RGS7: variants seen among roughly 807,000 people sequenced by gnomAD.
RGS7 encodes the protein regulator of G-protein signaling 7.
Under a neutral mutation model 81.1 loss-of-function variants are expected in RGS7, and 27 were observed. The ratio of observed to expected loss-of-function variants is 0.33; its 90% CI spans 0.25 to 0.46. The LOEUF is 0.46. Ranked by LOEUF, RGS7 falls within the 20% of genes least tolerant of loss-of-function variation. The probability of loss-of-function intolerance (pLI) is 1.00; values close to 1 mark genes in which losing one functional copy is unlikely to be tolerated. For missense variants in RGS7, 396 were observed against 607.4 expected, an observed-to-expected ratio of 0.65 and a Z score of 3.66; for synonymous variants, 208 against 207.7, an observed-to-expected ratio of 1.00 and a Z score of -0.01.
At position 240,983,063 on chromosome 1, in the gene RGS7, A is replaced by G; in HGVS notation, c.226+16T>C. The G allele has an allele frequency of 1.4e-6, 2 of 1,462,618 alleles. No homozygotes were observed. Among genetic ancestry groups the G allele is most frequent in the Non-Finnish European group, 1.9e-6 (2 of 1,045,260 alleles). 90.6% of individuals were successfully genotyped at this position (1,462,618 alleles called of 1,614,324 possible). On this transcript the variant is annotated intron_variant, in intron 4 of 18. Transcript: ENST00000440928. ...CTAAGAAAAAAGTTCTTGCAATGGG[A>G]AAATGATTTATTTACCTGGATCTTC... is the stretch of plus-strand genomic sequence containing the variant.
In RGS7 at chr1:240,868,114, A is replaced by AAG. The variant is rs200413431; in HGVS notation, c.609+472_609+473insCT. Among the ~76,000 whole-genome samples the AAG allele has an allele frequency of 1.0e-5, 1 of 98,216 alleles. No individual in the cohort carries two copies. Among genetic ancestry groups the AAG allele is most frequent in the African/African-American group, 3.9e-5 (1 of 25,746 alleles). 64.4% of individuals were successfully genotyped at this position (98,216 alleles called of 152,430 possible). On this transcript the variant is annotated intron_variant, in intron 9 of 18. Coordinates refer to ENST00000440928, the MANE Select transcript of RGS7 (RefSeq NM_001364886.1). This position sits in a 1 kb window ranked among gnomAD's most constrained non-coding sequence, Gnocchi z 5.1. The stretch of plus-strand genomic sequence containing the variant: ...AAAGAAAAGAAAAAGAAAGAAAAGA[A>AAG]AAGGAAAGAAAGAAAGAAAGAAAGA...
At chr1:240,873,043 C>T (rs190106995) in intron 6 of RGS7, among the ~76,000 whole-genome samples, 2 of 152,166 alleles carry the variant, frequency 1.3e-5, no homozygotes, top group Non-Finnish European at 1.5e-5. Flanking sequence ...CATGCCACTG[C>T]ACTCCAGCCT....
chr1:240,880,595 C>T (rs949671052), intron 6 of RGS7, among the ~76,000 whole-genome samples: 8 of 152,160 alleles, frequency 5.3e-5, no homozygotes, highest in African/African-American at 1.9e-4. Flanking sequence ...AGGTCACGGA[C>T]AAAGCTTTCT....
intron 3 of RGS7, among the ~76,000 whole-genome samples, chr1:241,037,814 C>A (rs1360713596): frequency 6.6e-6 from 1 of 151,698 alleles, no homozygotes; most frequent in Non-Finnish European, 1.5e-5. Flanking sequence ...ATGACTTTTG[C>A]AGCAAATTGG....
At chr1:241,100,096 C>T (rs1168148896) in intron 2 of RGS7, among the ~76,000 whole-genome samples, 1 of 152,154 alleles carries the variant, frequency 6.6e-6, no homozygotes, top group Non-Finnish European at 1.5e-5. Context: ...TTTCCATTGG[C>T]CGGGCGCGGT....
At chr1:241,043,969 G>A (rs2060771271) in intron 3 of RGS7, among the ~76,000 whole-genome samples, 1 of 152,124 alleles carries the variant, frequency 6.6e-6, no homozygotes, top group South Asian at 2.1e-4. Flanking sequence ...TATGCTTGTA[G>A]AAATATTTCT....
intron 6 of RGS7, among the ~76,000 whole-genome samples, chr1:240,890,313 C>A (rs918182282): frequency 2.0e-5 from 3 of 152,052 alleles, no homozygotes; most frequent in African/African-American, 7.2e-5. Flanking sequence ...CCACCACACC[C>A]AGCTAATTTT....
intron 2 of RGS7, among the ~76,000 whole-genome samples, chr1:241,351,158 C>T (rs2083222944): frequency 6.6e-6 from 1 of 152,092 alleles, no homozygotes; most frequent in Admixed American, 6.6e-5. Context: ...GTGGCTCACC[C>T]CTGTAATCTC....
At chr1:241,114,337 CTT>C (rs1267337399) in intron 2 of RGS7, among the ~76,000 whole-genome samples, 2 of 152,198 alleles carry the variant, frequency 1.3e-5, no homozygotes, top group East Asian at 1.9e-4. Context: ...CTCTCTCTCT[CTT>C]TCTCTCTCTT....
At chr1:240,960,014 G>C (rs1257380955) in intron 4 of RGS7, among the ~76,000 whole-genome samples, 1 of 151,790 alleles carries the variant, frequency 6.6e-6, no homozygotes, top group Non-Finnish European at 1.5e-5. Context: ...ACAAAAATTA[G>C]CCAGGTGTGG....
chr1:241,123,174 C>A (rs1024777074), intron 2 of RGS7, among the ~76,000 whole-genome samples: 34 of 152,328 alleles, frequency 2.2e-4, no homozygotes, highest in African/African-American at 7.5e-4. Flanking sequence ...ACCCCAGGTC[C>A]TTAGCCTCAG....
At chr1:241,277,513 G>A (rs1391852110) in intron 2 of RGS7, among the ~76,000 whole-genome samples, 1 of 152,070 alleles carries the variant, frequency 6.6e-6, no homozygotes, top group Non-Finnish European at 1.5e-5. Flanking sequence ...CAGCTACTCA[G>A]GAGGCTGTGG....
intron 12 of RGS7, among the ~76,000 whole-genome samples, chr1:240,814,165 A>G (rs1183234608): frequency 6.6e-6 from 1 of 152,246 alleles, no homozygotes; most frequent in Non-Finnish European, 1.5e-5. Context: ...CAAGTTTTTT[A>G]AATGTATATA....
chr1:240,901,689 A>C (rs1257409413), intron 6 of RGS7, among the ~76,000 whole-genome samples: 3 of 152,060 alleles, frequency 2.0e-5, no homozygotes, highest in Admixed American at 6.6e-5. Context: ...CTTGACGTTG[A>C]GGTCCTGTCT....
At chr1:241,298,567 T>C (rs913021089) in intron 2 of RGS7, among the ~76,000 whole-genome samples, 4 of 152,172 alleles carry the variant, frequency 2.6e-5, no homozygotes, top group African/African-American at 9.7e-5. Context: ...CATTGCTTCA[T>C]TGAACTAAAA....
chr1:240,938,317 T>C (rs1023098497), intron 4 of RGS7, among the ~76,000 whole-genome samples: 4 of 152,208 alleles, frequency 2.6e-5, no homozygotes, highest in African/African-American at 9.6e-5. Flanking sequence ...TATGTATCTT[T>C]ATGTATAATT....
chr1:241,164,705 A>G lies in RGS7; in HGVS notation c.79-65943T>C, dbSNP rs1029684386. Among the ~76,000 whole-genome samples, 10 of 152,198 alleles carry G rather than the reference A, an allele frequency of 6.6e-5. No individual in the cohort carries two copies. Among genetic ancestry groups the G allele is most frequent in the African/African-American group, 2.4e-4 (10 of 41,446 alleles). On this transcript the variant is annotated intron_variant, in intron 2 of 18. Transcript: ENST00000440928. The surrounding 1 kb of genome is among the most constrained non-coding windows in gnomAD (Gnocchi z 4.1). ...ATGTGAAATTTTCCATGTTTAAAAA[A>G]TACTGCGCAGGCCAACAAAACACAT...
In RGS7 at chr1:240,813,708, T is replaced by C. The variant is rs1179948133; in HGVS notation, c.866A>G (p.Gln289Arg). Reference protein sequence around the residue: ...VADSLLSYTEQYLEYDPFLLP... With the variant: ...VADSLLSYTERYLEYDPFLLP... ...AAGAAACGGGTCGTATTCTAAATAC[T>C]GTTCCGTGTAACTTAGTAGACTAAG... is the stretch of plus-strand genomic sequence containing the variant. The change falls in exon 13 of 19, where the codon CAG becomes CGG. Residue 289 changes from glutamine (Q) to arginine (R), a missense_variant. Gln to Arg is a conservative substitution (Grantham distance 43). Transcript: ENST00000440928. The C allele has an allele frequency of 6.2e-6, 10 of 1,612,254 alleles. No individual in the cohort carries two copies. The highest frequency in any genetic ancestry group is 1.3e-5 in the African/African-American group (1 of 74,922).
chr1:241,329,931 G>T (rs562277364), intron 2 of RGS7, among the ~76,000 whole-genome samples: 11 of 150,560 alleles, frequency 7.3e-5, no homozygotes, highest in African/African-American at 2.2e-4. Context: ...TTTTTTTTTT[G>T]TTTGTTTGTT....
Sources: gnomAD v4.1 joint callset for allele counts (sites outside exome capture counted in the v4.1 genomes callset) on GRCh38, gnomAD v4.1.1 for gene constraint, Gnocchi (gnomAD v3.1) non-coding constraint, MANE v1.5 for transcripts, NCBI Gene and HGNC (gene_info 2026-07-23, HGNC 2026-07-21) for gene names.